Variants in REST observed in about 807,000 individuals in gnomAD.
REST encodes the protein RE1 silencing transcription factor.
REST carries 1 observed loss-of-function variant against 30.4 expected under a neutral mutation model. That is an observed-to-expected ratio of 0.03 (90% CI 0.01 to 0.16). The LOEUF (loss-of-function observed/expected upper bound fraction) is 0.16, where lower values mean the gene tolerates loss of function less well. REST is among the 10% of genes least tolerant of loss of function. The probability of loss-of-function intolerance (pLI) is 1.00; values close to 1 mark genes in which losing one functional copy is unlikely to be tolerated. For missense variants in REST, 1,259 were observed against 1,329.5 expected, an observed-to-expected ratio of 0.95 and a Z score of 0.82; for synonymous variants, 504 against 451.1, an observed-to-expected ratio of 1.12 and a Z score of -1.49.
At chr4:56,909,446 C>T (rs1214992126) in intron 1 of REST, 3 of 152,228 alleles carry the variant, frequency 2.0e-5, no homozygotes, top group African/African-American at 7.2e-5. Flanking sequence ...GTTAAAATTC[C>T]ATTTGGGGTG....
At chr4:56,916,966 A>G (rs1175393145) in intron 2 of REST, among the ~76,000 whole-genome samples, 1 of 152,204 alleles carries the variant, frequency 6.6e-6, no homozygotes, top group African/African-American at 2.4e-5. Context: ...CCATTTTACA[A>G]TCCCACCAGC....
chr4:56,931,037 G>A lies in REST; in HGVS notation c.2179G>A (p.Glu727Lys), dbSNP rs201530969. 3.8e-5 allele frequency: 62 copies of A among 1,613,898 alleles called. No individual in the cohort carries two copies. The highest frequency in any genetic ancestry group is 1.6e-4 in the Middle Eastern group (1 of 6,084). The change falls in exon 4 of 4, where the codon GAG becomes AAG. Residue 727 changes from glutamate to lysine, a missense_variant. Around this residue, in one of 5 missense-constraint regions of REST, gnomAD observed 856 missense variants for 772.8 expected, o/e 1.11. Coordinates refer to ENST00000309042, the MANE Select transcript of REST (RefSeq NM_005612.5). The stretch of plus-strand genomic sequence containing the variant: ...TGCTCCCATGCAGGTGGTCCAGAAG[G>A]AGCCTGTTCAGATGGAGCTGTCTCC... The part of the protein sequence containing the change: ...ESAPMQVVQK[E>K]PVQMELSPPM...
chr4:56,922,316 T>C (rs1375782046), intron 3 of REST: 1 of 59,602 alleles, frequency 1.7e-5, no homozygotes, highest in Non-Finnish European at 4.1e-5. Context: ...TTATTATTAC[T>C]TTTTTTTTTT....
chr4:56,934,607 A>G lies in REST; in HGVS notation c.*2455A>G, dbSNP rs1166070236. ...TACTTACTAAAAATTGTTTCAATGA[A>G]AAGTACATTAGCAGTATGAACTTCT... is the stretch of plus-strand genomic sequence containing the variant. On this transcript the variant is annotated 3_prime_UTR_variant, in exon 4 of 4. Coordinates refer to ENST00000309042, the MANE Select transcript of REST (RefSeq NM_005612.5). 3 of 152,202 alleles carry G rather than the reference A, an allele frequency of 2.0e-5. No homozygotes were observed. Among genetic ancestry groups the G allele is most frequent in the Non-Finnish European group, 4.4e-5 (3 of 68,022 alleles). The allele number at this position is 152,202 out of a possible 1,614,324, so 9.4% of individuals were successfully genotyped here.
In REST at chr4:56,930,890, G is replaced by T. The variant is rs367688230; in HGVS notation, c.2032G>T (p.Ala678Ser). The change falls in exon 4 of 4, where the codon GCC (alanine) becomes TCC (serine). Residue 678 changes from alanine to serine, a missense_variant. This residue lies in a region of REST where 856 missense variants were observed against 772.8 expected (regional missense o/e 1.11). Transcript: ENST00000309042. ...PPVEPAQMVG[A>S]QIVLAHMELP... Reference sequence around the variant, plus strand: ...CGTGGAGCCTGCTCAGATGGTGGGTGCCCAAATTGTACTTGCTCACATGGA... The same window carrying T: ...CGTGGAGCCTGCTCAGATGGTGGGTTCCCAAATTGTACTTGCTCACATGGA... 14 of 1,613,776 alleles carry T rather than the reference G, an allele frequency of 8.7e-6. No homozygotes were observed. The Admixed American group carries it at 1.7e-4, about 19-fold the overall frequency.
rs1053362760 is a variant in REST at position 56,933,986 on chromosome 4, A to G, written c.*1834A>G. On this transcript the variant is annotated 3_prime_UTR_variant, in exon 4 of 4. Transcript: ENST00000309042. The stretch of plus-strand genomic sequence containing the variant: ...AAATCTGAGAGTGAAGTTTGAGTTA[A>G]AAGTTGTTTGAACATGGCATTGACT... The G allele has an allele frequency of 1.3e-5, 2 of 152,196 alleles. No homozygotes were observed. The highest frequency in any genetic ancestry group is 4.8e-5 in the African/African-American group (2 of 41,442). The allele number at this position is 152,196 out of a possible 1,614,324, so 9.4% of individuals were successfully genotyped here.
chr4:56,932,434 C>T lies in REST; in HGVS notation c.*282C>T, dbSNP rs558648586. 6.2e-4 allele frequency: 165 copies of T among 267,240 alleles called. 1 individual carries two copies. The highest frequency in any genetic ancestry group is 3.0e-3 in the South Asian group (22 of 7,268). The allele number at this position is 267,240 out of a possible 1,614,324, so 16.6% of individuals were successfully genotyped here. ...TATAACAGCATTTTATTGCTTTGTCCAGCTACAACTTGTCATTTTTTTCTC... is the reference window on the plus strand; with the variant it reads ...TATAACAGCATTTTATTGCTTTGTCTAGCTACAACTTGTCATTTTTTTCTC... On this transcript the variant is annotated 3_prime_UTR_variant, in exon 4 of 4. Coordinates refer to ENST00000309042, the MANE Select transcript of REST (RefSeq NM_005612.5).
In REST at chr4:56,932,422, T is replaced by C; in HGVS notation, c.*270T>C. 3.4e-6 allele frequency: 1 copy of C among 295,180 alleles called. No individual in the cohort carries two copies. Among genetic ancestry groups the C allele is most frequent in the Admixed American group, 4.7e-5 (1 of 21,318 alleles). 18.3% of individuals were successfully genotyped at this position (295,180 alleles called of 1,614,324 possible). A position where few individuals can be genotyped will look rare whatever the true frequency, so the allele number is the denominator to read the frequency against. ...AGGCTAAGATGGTATAACAGCATTT[T>C]ATTGCTTTGTCCAGCTACAACTTGT... On this transcript the variant is annotated 3_prime_UTR_variant, in exon 4 of 4. Coordinates refer to ENST00000309042, the MANE Select transcript of REST (RefSeq NM_005612.5).
intron 3 of REST, among the ~76,000 whole-genome samples, chr4:56,927,201 G>A (rs1720752609): frequency 6.6e-6 from 1 of 152,102 alleles, no homozygotes; most frequent in East Asian, 1.9e-4. Context: ...TCTCCCAGAT[G>A]GTCTAGCTCT....
At chr4:56,915,946 C>A (rs1720175894) in intron 2 of REST, among the ~76,000 whole-genome samples, 1 of 152,154 alleles carries the variant, frequency 6.6e-6, no homozygotes, top group African/African-American at 2.4e-5. Context: ...ATACAAGTAT[C>A]ATTTATAGCC....
At chr4:56,929,054 A>C (rs1034584773) in intron 3 of REST, among the ~76,000 whole-genome samples, 5 of 147,690 alleles carry the variant, frequency 3.4e-5, no homozygotes, top group African/African-American at 5.0e-5. Flanking sequence ...GCACTCCACT[A>C]TGCCTGGCTA....
intron 2 of REST, among the ~76,000 whole-genome samples, chr4:56,919,024 C>G (rs576459412): frequency 9.9e-5 from 15 of 151,486 alleles, no homozygotes; most frequent in Admixed American, 5.9e-4. Context: ...CTCACTCAGC[C>G]TCCCGAGTAG....
In REST at chr4:56,910,775, T is replaced by A; in HGVS notation, c.137T>A (p.Leu46His). The A allele has an allele frequency of 6.2e-7, 1 of 1,614,224 alleles. No individual in the cohort carries two copies. Among genetic ancestry groups the A allele is most frequent in the Non-Finnish European group, 8.5e-7 (1 of 1,180,044 alleles). The change falls in exon 2 of 4, where the codon CTT becomes CAT. Residue 46 changes from leucine (L) to histidine (H), a missense_variant. Transcript: ENST00000309042. ...AAAGCTGAACTGGCCGCACCTCAGC[T>A]TATTATGCTGGCAAATGTGGCCTTA... ...LSKAELAAPQ[L>H]IMLANVALTG...
At position 56,930,452 on chromosome 4, in the gene REST, G is replaced by A; in HGVS notation, c.1594G>A (p.Gly532Ser). 1 of 1,613,388 alleles carries A rather than the reference G, an allele frequency of 6.2e-7. No homozygotes were observed. The highest frequency in any genetic ancestry group is 8.5e-7 in the Non-Finnish European group (1 of 1,179,888). ...KLEVDSHSLH[G>S]PVNDEESSTK... is the part of the protein sequence containing the mutation. ...GGAAGTTGACAGCCATTCTTTACATGGTCCTGTGAATGATGAGGAATCTTC... is the reference window on the plus strand; with the variant it reads ...GGAAGTTGACAGCCATTCTTTACATAGTCCTGTGAATGATGAGGAATCTTC... Residue 532 changes from glycine (G) to serine (S), a missense_variant, in exon 4 of 4, where the codon GGT (glycine) becomes AGT (serine). This residue lies in a region of REST where 856 missense variants were observed against 772.8 expected (regional missense o/e 1.11). Transcript: ENST00000309042.
chr4:56,908,342 C>T (rs1719716032), intron 1 of REST, 129 bp downstream of exon 1: 1 of 160,610 alleles, frequency 6.2e-6, no homozygotes, highest in South Asian at 2.0e-4. Context: ...TTTGCAGATA[C>T]TGTGGCTCCG....
intron 3 of REST, 146 bp downstream of exon 3, chr4:56,920,016 A>G (rs1720375167): frequency 7.2e-6 from 3 of 414,458 alleles, no homozygotes; most frequent in Non-Finnish European, 1.3e-5. Context: ...TATTCCGTCA[A>G]TCTGGGGATT....
At chr4:56,920,079 C>T (rs1220541744) in intron 3 of REST, 1 of 364,726 alleles carries the variant, frequency 2.7e-6, no homozygotes, top group Non-Finnish European at 4.9e-6. Flanking sequence ...TTTGTGTACA[C>T]TTTTTCTGGG....
In REST at chr4:56,931,436, C is replaced by G; in HGVS notation, c.2578C>G (p.Leu860Val). 1 of 1,614,242 alleles carries G rather than the reference C, an allele frequency of 6.2e-7. No homozygotes were observed. The highest frequency in any genetic ancestry group is 1.1e-5 in the South Asian group (1 of 91,090). The change falls in exon 4 of 4, where the codon CTC (leucine) becomes GTC (valine). Residue 860 changes from leucine to valine, a missense_variant. Transcript: ENST00000309042. ...AAAGGAAAGTGTAAGCACAGAGGAT[C>G]TCTCACCACCATCACCACCACTGCC... ...LLKESVSTED[L>V]SPPSPPLPKE...
chr4:56,918,970 C>T (rs1337991799), intron 2 of REST, among the ~76,000 whole-genome samples: 13 of 150,288 alleles, frequency 8.7e-5, no homozygotes, highest in African/African-American at 1.5e-4. Context: ...AATCCCCATG[C>T]TCAGCCCAGG....
Sources: gnomAD v4.1 joint callset for allele counts (sites outside exome capture counted in the v4.1 genomes callset) on GRCh38, gnomAD v4.1.1 for gene constraint, gnomAD v4.1.1 regional missense constraint, MANE v1.5 for transcripts, NCBI Gene and HGNC (gene_info 2026-07-23, HGNC 2026-07-21) for gene names.